SYN1: variants seen among roughly 807,000 people sequenced by gnomAD.
SYN1 encodes synapsin-1.
Under a neutral mutation model 44.6 loss-of-function variants are expected in SYN1, and 8 were observed. That is an observed-to-expected ratio of 0.18 (90% CI 0.11 to 0.32). SYN1 has a LOEUF of 0.32. SYN1 is among the 10% of genes least tolerant of loss of function. The pLI, the probability that SYN1 is intolerant of heterozygous loss-of-function variation, is 1.00. For synonymous variants in SYN1, 275 were observed against 280.1 expected (o/e 0.98, Z 0.18); for missense variants, 451 against 639.4 (o/e 0.71, Z 3.18).
At chrX:47,608,886 GACAC>G (rs34092010) in intron 1 of SYN1, among the ~76,000 whole-genome samples, 2,214 of 89,474 alleles carry the variant, frequency 0.025, 68 homozygotes, top group African/African-American at 0.078. Context: ...GTCTTGGACA[GACAC>G]ACACACACAC....
At chrX:47,577,397 C>T in intron 6 of SYN1, 42 bp downstream of exon 6, 1 of 1,166,339 alleles carries the variant, frequency 8.6e-7, no homozygotes, top group East Asian at 3.1e-5. Context: ...GTGCATTGCA[C>T]AAATACACAT....
chrX:47,583,892 T>C (rs2057810917), intron 5 of SYN1, among the ~76,000 whole-genome samples: 1 of 111,845 alleles, frequency 8.9e-6, no homozygotes, highest in Non-Finnish European at 1.9e-5. Flanking sequence ...TCAGTGATAC[T>C]TGTTATAACA....
At position 47,584,311 on chromosome X, in the gene SYN1, A is replaced by G. The variant is rs186377810; in HGVS notation, c.775-6810T>C. 6.2e-3 allele frequency among the ~76,000 whole-genome samples: 694 copies of G among 111,073 alleles called. 7 individuals are homozygous for G. Among genetic ancestry groups the G allele is most frequent in the African/African-American group, 0.022 (665 of 30,499 alleles). On this transcript the variant is annotated intron_variant, in intron 5 of 12. Transcript: ENST00000295987. Reference sequence around the variant, plus strand: ...GATCAGGTATTGAGGATGATCAGAGATTGAGGATGATCAGGTATTGAGGAT... The same window carrying G: ...GATCAGGTATTGAGGATGATCAGAGGTTGAGGATGATCAGGTATTGAGGAT...
chrX:47,603,906 ATT>A lies in SYN1; in HGVS notation c.774+1070_774+1071del, dbSNP rs869237796. On this transcript the variant is annotated intron_variant, in intron 5 of 12. Transcript: ENST00000295987. ...TATTAGTGATTATATATATATATATATTTTTTTTTTTTTTTTTTGAGATGGAG... is the reference window on the plus strand; with the variant it reads ...TATTAGTGATTATATATATATATATATTTTTTTTTTTTTTTTGAGATGGAG... Among the ~76,000 whole-genome samples, 660 of 94,723 alleles carry A rather than the reference ATT, an allele frequency of 7.0e-3. 7 individuals are homozygous for A. The highest frequency in any genetic ancestry group is 0.024 in the African/African-American group (613 of 25,939). The allele number at this position is 94,723 out of a possible 115,157, so 82.3% of individuals were successfully genotyped here. A position where few individuals can be genotyped will look rare whatever the true frequency, so the allele number is the denominator to read the frequency against.
At chrX:47,604,479 C>T (rs2057890218) in intron 5 of SYN1, among the ~76,000 whole-genome samples, 1 of 109,471 alleles carries the variant, frequency 9.1e-6, no homozygotes, top group African/African-American at 3.3e-5. Context: ...TCTTGATCTC[C>T]TGACCTCATG....
At chrX:47,603,323 A>G (rs2057885504) in intron 5 of SYN1, among the ~76,000 whole-genome samples, 1 of 111,329 alleles carries the variant, frequency 9.0e-6, no homozygotes, top group African/African-American at 3.3e-5. Context: ...CAGCTTCCCA[A>G]GTAGCTGGGA....
intron 1 of SYN1, among the ~76,000 whole-genome samples, chrX:47,617,502 G>A (rs1490168163): frequency 1.8e-5 from 2 of 111,270 alleles, no homozygotes; most frequent in East Asian, 2.8e-4. Context: ...TAGACTAAAA[G>A]CCCTTTGGGG....
chrX:47,613,002 G>A (rs762333771), intron 1 of SYN1, among the ~76,000 whole-genome samples: 22 of 110,027 alleles, frequency 2.0e-4, no homozygotes, highest in South Asian at 3.9e-4. Flanking sequence ...GCGTGGTGGC[G>A]CACGCCTGTA....
rs759058758 is a variant in SYN1, at chrX:47,574,953, A to T, written c.1305+175T>A. Among the ~76,000 whole-genome samples, 9 of 112,162 alleles carry T rather than the reference A, an allele frequency of 8.0e-5. No homozygotes were observed. The East Asian group carries it at 2.5e-3, about 32-fold the overall frequency. ...CCAGGGGCGGGGCAGGGAGGTGCTCAGGGAAGTCAGGGCAGCAGCTGCTTA... is the reference window on the plus strand; with the variant it reads ...CCAGGGGCGGGGCAGGGAGGTGCTCTGGGAAGTCAGGGCAGCAGCTGCTTA... On this transcript the variant is annotated intron_variant, in intron 10 of 12. Transcript: ENST00000295987.
chrX:47,579,849 G>A (rs1163959150), intron 5 of SYN1, among the ~76,000 whole-genome samples: 13 of 83,182 alleles, frequency 1.6e-4, no homozygotes, highest in East Asian at 4.0e-4. Flanking sequence ...TGTTTTTGTC[G>A]CCCCCCCACC....
intron 5 of SYN1, among the ~76,000 whole-genome samples, chrX:47,580,390 G>C (rs2057793005): frequency 9.1e-6 from 1 of 109,322 alleles, no homozygotes; most frequent in South Asian, 4.0e-4. Context: ...CAGCACTTTG[G>C]GAGGCTGAGG....
intron 5 of SYN1, among the ~76,000 whole-genome samples, chrX:47,579,849 G>GCCCCCCCCCCCCCCCCCCCCCCCCCC (rs140381513): frequency 4.0e-4 from 33 of 83,116 alleles, no homozygotes; most frequent in African/African-American, 5.0e-4. Context: ...TGTTTTTGTC[G>GCCCCCCCCCCCCCCCCCCCCCCCCCC]CCCCCCCACC....
intron 5 of SYN1, among the ~76,000 whole-genome samples, chrX:47,578,289 C>T (rs1424163156): frequency 9.0e-6 from 1 of 110,997 alleles, no homozygotes; most frequent in Non-Finnish European, 1.9e-5. Context: ...CACAACTCCA[C>T]AGGCACACTC....
intron 5 of SYN1, among the ~76,000 whole-genome samples, chrX:47,581,359 T>C (rs1189769070): frequency 8.9e-6 from 1 of 112,355 alleles, no homozygotes; most frequent in Non-Finnish European, 1.9e-5. Flanking sequence ...TCCTGCATTG[T>C]CAGAAAGCTG....
Position 47,574,779 on chromosome X carries a change from C to A in SYN1, c.1306-4G>T. 1 of 1,179,476 alleles carries A rather than the reference C, an allele frequency of 8.5e-7. No homozygotes were observed. Among genetic ancestry groups the A allele is most frequent in the Non-Finnish European group, 1.1e-6 (1 of 877,650 alleles). ...GCAGGGCCCCTGGGGACGGAGTCTG[C>A]GGCAGAGGAATGGAGCAGGAGAGGT... On this transcript the variant is annotated splice_polypyrimidine_tract_variant and splice_region_variant and intron_variant, in intron 10 of 12. Coordinates refer to ENST00000295987, the MANE Select transcript of SYN1 (RefSeq NM_006950.3).
At chrX:47,616,274 A>T (rs781460751) in intron 1 of SYN1, among the ~76,000 whole-genome samples, 25 of 111,443 alleles carry the variant, frequency 2.2e-4, no homozygotes, top group Admixed American at 5.7e-4. Flanking sequence ...AAAAGACTGG[A>T]GGGGATGCTG....
intron 1 of SYN1, among the ~76,000 whole-genome samples, chrX:47,611,074 C>T (rs758301649): frequency 4.4e-4 from 49 of 111,252 alleles, no homozygotes; most frequent in East Asian, 8.4e-4. Context: ...TTCACAAATG[C>T]GTAATTGCAA....
Position 47,580,657 on chromosome X carries a change from C to T in SYN1, c.775-3156G>A, listed in dbSNP as rs1025614320. 6.6e-5 allele frequency among the ~76,000 whole-genome samples: 7 copies of T among 106,866 alleles called. No individual in the cohort carries two copies. In the East Asian group the frequency reaches 1.8e-3, roughly 28 times the overall value. 92.8% of individuals were successfully genotyped at this position (106,866 alleles called of 115,157 possible). On this transcript the variant is annotated intron_variant, in intron 5 of 12. Transcript: ENST00000295987. ...AAAAAAAAAAAAAGATTTAGAAGGC[C>T]GGGTGTGGTGGCTCACGCCTGTAAT...
intron 3 of SYN1, 78 bp downstream of exon 3, chrX:47,606,867 G>A: frequency 1.0e-6 from 1 of 974,698 alleles, no homozygotes; most frequent in African/African-American, 1.9e-5. Context: ...TGGGTGGGGA[G>A]GTAGGAACTT....
Sources: allele counts gnomAD v4.1 joint callset (sites outside exome capture counted in the v4.1 genomes callset), GRCh38; gene constraint gnomAD v4.1.1; transcripts MANE v1.5; gene names NCBI Gene and HGNC (gene_info 2026-07-23, HGNC 2026-07-21).